The following SHANK2 variants were observed in gnomAD, a reference collection of about 807,000 sequenced individuals.
The protein encoded by SHANK2 is SH3 and multiple ankyrin repeat domains 2, also known as SH3 and multiple ankyrin repeat domains protein 2.
SHANK2 carries 43 observed loss-of-function variants against 133.7 expected under a neutral mutation model. That is an observed-to-expected ratio of 0.32 (90% CI 0.25 to 0.41). SHANK2 has a LOEUF of 0.41. Among genes scored for constraint, SHANK2 ranks in the 10% least tolerant of loss-of-function variants. SHANK2 has a pLI of 1.00. For synonymous variants in SHANK2, 1,017 were observed against 952.8 expected, an observed-to-expected ratio of 1.07 and a Z score of -1.24; for missense variants, 1,994 against 2,235.8, an observed-to-expected ratio of 0.89 and a Z score of 2.18.
chr11:71,211,182 G>A (rs1555118831), intron 2 of SHANK2, among the ~76,000 whole-genome samples: 1 of 145,830 alleles, frequency 6.9e-6, no homozygotes, highest in African/African-American at 2.5e-5. Flanking sequence ...GTGTCCTATT[G>A]GTCAATTTCC....
At chr11:71,102,739 C>T (rs782481516) in intron 6 of SHANK2, among the ~76,000 whole-genome samples, 3 of 152,222 alleles carry the variant, frequency 2.0e-5, no homozygotes, top group Non-Finnish European at 4.4e-5. Flanking sequence ...CCCTGTTCGT[C>T]CCACTGCCTT....
At chr11:70,532,793 G>C (rs893996782) in intron 17 of SHANK2, among the ~76,000 whole-genome samples, 1 of 152,214 alleles carries the variant, frequency 6.6e-6, no homozygotes, top group African/African-American at 2.4e-5. Flanking sequence ...CAGGGTCTTA[G>C]ACCGACACGT....
intron 10 of SHANK2, among the ~76,000 whole-genome samples, chr11:71,056,080 C>A (rs946985111): frequency 1.3e-5 from 2 of 152,142 alleles, no homozygotes; most frequent in Non-Finnish European, 2.9e-5. Flanking sequence ...GGACAGCGGA[C>A]CCCATGGGGG....
At chr11:70,903,440 T>TAAAA (rs1950054302) in intron 10 of SHANK2, among the ~76,000 whole-genome samples, 1 of 150,798 alleles carries the variant, frequency 6.6e-6, no homozygotes, top group African/African-American at 2.4e-5. Flanking sequence ...TAAAATAAAA[T>TAAAA]AAAATAAAAT....
intron 12 of SHANK2, among the ~76,000 whole-genome samples, chr11:70,815,697 G>A (rs1371672585): frequency 6.6e-6 from 1 of 152,170 alleles, no homozygotes; most frequent in Non-Finnish European, 1.5e-5. Context: ...GAGGCACTGG[G>A]TTGCTTGGTG....
rs1555112973 is a variant in SHANK2 at position 71,175,550 on chromosome 11, GGGA to G, written c.-12-28215_-12-28213del. Among the ~76,000 whole-genome samples, 1 of 15,134 alleles carries G rather than the reference GGGA, an allele frequency of 6.6e-5. No homozygotes were observed. Among genetic ancestry groups the G allele is most frequent in the Non-Finnish European group, 2.0e-4 (1 of 4,894 alleles). 9.9% of individuals were successfully genotyped at this position (15,134 alleles called of 152,430 possible). On this transcript the variant is annotated intron_variant, in intron 2 of 25. Transcript: ENST00000601538. This position sits in a 1 kb window ranked among gnomAD's most constrained non-coding sequence, Gnocchi z 4.2. ...ACAGACAGACAGAGGGAGAGGGAGA[GGGA>G]GAGAGAGAGAGAGAGAGAGAGAGAG...
At chr11:70,842,821 G>A (rs1948928267) in intron 11 of SHANK2, among the ~76,000 whole-genome samples, 1 of 152,236 alleles carries the variant, frequency 6.6e-6, no homozygotes, top group Non-Finnish European at 1.5e-5. Flanking sequence ...CGGCCGAGGT[G>A]AAGCTCCCTC....
intron 2 of SHANK2, among the ~76,000 whole-genome samples, chr11:71,149,060 A>G (rs1952709937): frequency 6.6e-6 from 1 of 152,190 alleles, no homozygotes; most frequent in Non-Finnish European, 1.5e-5. Context: ...AGTTGGGGAC[A>G]CAGATGTTTG....
At chr11:70,793,351 G>A (rs1947836934) in intron 14 of SHANK2, among the ~76,000 whole-genome samples, 2 of 152,204 alleles carry the variant, frequency 1.3e-5, no homozygotes, top group Non-Finnish European at 2.9e-5. Flanking sequence ...ATGTGAGGTG[G>A]TGGTGTCCTG....
At chr11:71,067,096 G>T (rs1250815555) in intron 9 of SHANK2, among the ~76,000 whole-genome samples, 1 of 152,182 alleles carries the variant, frequency 6.6e-6, no homozygotes, top group Non-Finnish European at 1.5e-5. Flanking sequence ...GCTGGGGGAG[G>T]TGAAGGAAAG....
chr11:70,819,303 G>A (rs1948469661), intron 12 of SHANK2, among the ~76,000 whole-genome samples: 1 of 152,236 alleles, frequency 6.6e-6, no homozygotes, highest in Non-Finnish European at 1.5e-5. Context: ...AGAGGCGTCT[G>A]CAGCAAAGAA....
At chr11:71,065,459 G>A (rs1951039178) in intron 9 of SHANK2, among the ~76,000 whole-genome samples, 1 of 144,210 alleles carries the variant, frequency 6.9e-6, no homozygotes, top group African/African-American at 2.6e-5. Flanking sequence ...GGGGAAGTTG[G>A]GGGGTGTGTG....
At chr11:70,611,987 T>G in intron 17 of SHANK2, among the ~76,000 whole-genome samples, 1 of 151,274 alleles carries the variant, frequency 6.6e-6, no homozygotes, top group African/African-American at 2.4e-5. Context: ...GCGAGGGGCG[T>G]GAACACTGGG....
chr11:70,599,875 G>GAAAGAAAGAAAGAAAGAA (rs2060458184), intron 17 of SHANK2, among the ~76,000 whole-genome samples: 1 of 94,094 alleles, frequency 1.1e-5, no homozygotes, highest in African/African-American at 4.0e-5. Flanking sequence ...AAGAAAGAAA[G>GAAAGAAAGAAAGAAAGAA]AAAGAAAGAA....
At chr11:71,103,479 C>T (rs1305013178) in intron 6 of SHANK2, among the ~76,000 whole-genome samples, 1 of 152,200 alleles carries the variant, frequency 6.6e-6, no homozygotes, top group African/African-American at 2.4e-5. Context: ...TGGAGGCAGC[C>T]CGCCAAAGCC....
chr11:70,930,931 T>G lies in SHANK2; in HGVS notation c.1108-34364A>C, dbSNP rs187972872. On this transcript the variant is annotated intron_variant, in intron 10 of 25. Transcript: ENST00000601538. ...ATCCTCCTGCCTCAGCCTCCAAAAGTGCTGGGACTACAGGCATGAGTTACC... is the reference window on the plus strand; with the variant it reads ...ATCCTCCTGCCTCAGCCTCCAAAAGGGCTGGGACTACAGGCATGAGTTACC... Among the ~76,000 whole-genome samples, 47 of 151,652 alleles carry G rather than the reference T, an allele frequency of 3.1e-4. 1 individual carries two copies. In the East Asian group the frequency reaches 5.5e-3, roughly 18 times the overall value.
In SHANK2 at chr11:70,485,507, C is replaced by A. The variant is rs782593128; in HGVS notation, c.4786G>T (p.Val1596Phe). 4 of 1,613,482 alleles carry A rather than the reference C, an allele frequency of 2.5e-6. No homozygotes were observed. The highest frequency in any genetic ancestry group is 3.4e-6 in the Non-Finnish European group (4 of 1,180,034). Residue 1596 changes from valine (V) to phenylalanine (F), a missense_variant, in exon 25 of 26, where the codon GTT becomes TTT. Coordinates refer to ENST00000601538, the MANE Select transcript of SHANK2 (RefSeq NM_012309.5). This position sits in a 1 kb window ranked among gnomAD's most constrained non-coding sequence, Gnocchi z 5.8. ...AACTTGGAGGTCCTTGGCTGGAGAA[C>A]CTTGGCCATCCCAGGCTGGGCACTG... ...PGSAQPGMAK[V>F]LQPRTSKLWG...
intron 9 of SHANK2, among the ~76,000 whole-genome samples, chr11:71,073,165 C>CTTTTTTTTTTTTTTT (rs1297535726): frequency 2.5e-5 from 1 of 40,292 alleles, no homozygotes; most frequent in Non-Finnish European, 6.4e-5. Context: ...TCTTTTTTTT[C>CTTTTTTTTTTTTTTT]TTTTTTTTTT....
At chr11:70,665,870 T>C (rs1375617989) in intron 15 of SHANK2, among the ~76,000 whole-genome samples, 5 of 152,128 alleles carry the variant, frequency 3.3e-5, no homozygotes, top group Non-Finnish European at 7.3e-5. Context: ...TTGAGCTGGG[T>C]GACCCTGGAG....
Sources: allele counts gnomAD v4.1 joint callset (sites outside exome capture counted in the v4.1 genomes callset), GRCh38; gene constraint gnomAD v4.1.1; non-coding constraint Gnocchi (gnomAD v3.1); transcripts MANE v1.5; gene names NCBI Gene and HGNC (gene_info 2026-07-23, HGNC 2026-07-21).